Variants in SLC25A48 observed in about 807,000 individuals in gnomAD.
SLC25A48 encodes the protein solute carrier family 25 member 48, also known as CTC-321K16.1.
SLC25A48 carries 29 observed loss-of-function variants against 32.2 expected under a neutral mutation model. The ratio of observed to expected loss-of-function variants is 0.90; its 90% CI spans 0.67 to 1.23. SLC25A48 has a LOEUF of 1.23. Ranked by LOEUF, SLC25A48 falls within the 50% of genes most tolerant of loss-of-function variation. The pLI is 0.00. For synonymous variants in SLC25A48, 164 were observed against 172.3 expected (o/e 0.95, Z 0.38); for missense variants, 399 against 422.7 (o/e 0.94, Z 0.49).
intron 3 of SLC25A48, among the ~76,000 whole-genome samples, chr5:135,785,067 C>G (rs184446528): frequency 2.6e-5 from 4 of 152,190 alleles, no homozygotes; most frequent in African/African-American, 9.6e-5. Flanking sequence ...TACACACGCA[C>G]TCTAATAAGG....
At chr5:135,637,549 A>C (rs182166069) in intron 3 of SLC25A48, among the ~76,000 whole-genome samples, 1 of 152,342 alleles carries the variant, frequency 6.6e-6, no homozygotes, top group African/African-American at 2.4e-5. Context: ...TTTCATGCTA[A>C]AGATCAAGAT....
intron 7 of SLC25A48, among the ~76,000 whole-genome samples, chr5:135,886,623 ATATATATATAT>A (rs1561567687): frequency 0.025 from 573 of 22,908 alleles, 43 homozygotes; most frequent in African/African-American, 0.1. Context: ...ATATATATAT[ATATATATATAT>A]ATAAAATATA....
chr5:135,866,109 G>A (rs1362418164), intron 4 of SLC25A48, among the ~76,000 whole-genome samples: 2 of 152,170 alleles, frequency 1.3e-5, no homozygotes, highest in Admixed American at 1.3e-4. Context: ...GACCCATAGG[G>A]CCTCATTTGT....
intron 4 of SLC25A48, among the ~76,000 whole-genome samples, chr5:135,861,313 G>GCACA (rs10561751): frequency 1.4e-3 from 206 of 145,788 alleles, no homozygotes; most frequent in Middle Eastern, 0.011. Context: ...AAATACACAC[G>GCACA]CACACACACA....
Position 135,677,087 on chromosome 5 carries a change from A to G in SLC25A48, c.-521+42131A>G, listed in dbSNP as rs536496464. 1.6e-4 allele frequency among the ~76,000 whole-genome samples: 25 copies of G among 152,040 alleles called. No individual in the cohort carries two copies. In the South Asian group the frequency reaches 4.6e-3, roughly 28 times the overall value. ...CTCCACTATTTTTGTTTTAGAGTCT[A>G]TCTCTTTCTTTAGATCTAGTAATAT... On this transcript the variant is annotated intron_variant, in intron 3 of 10. Transcript: ENST00000646290.
At chr5:135,684,526 AGTTG>A (rs1753973520) in intron 3 of SLC25A48, among the ~76,000 whole-genome samples, 1 of 152,150 alleles carries the variant, frequency 6.6e-6, no homozygotes, top group Non-Finnish European at 1.5e-5. Context: ...TAGCCTTCAG[AGTTG>A]TCCCAATTTG....
At chr5:135,874,467 C>T (rs60197084) in intron 6 of SLC25A48, among the ~76,000 whole-genome samples, 9,597 of 152,262 alleles carry the variant, frequency 0.063, 736 homozygotes, top group African/African-American at 0.18. Context: ...TTTGCCTTCT[C>T]ATCAAGATAG....
intron 3 of SLC25A48, among the ~76,000 whole-genome samples, chr5:135,706,003 T>G (rs1754499306): frequency 6.6e-6 from 1 of 152,192 alleles, no homozygotes; most frequent in African/African-American, 2.4e-5. Flanking sequence ...TGTAACTGCT[T>G]TCTTTGAACT....
rs572691211 is a variant in SLC25A48, at chr5:135,792,058, A to G, written c.-520-20465A>G. Among the ~76,000 whole-genome samples, 13 of 151,896 alleles carry G rather than the reference A, an allele frequency of 8.6e-5. 1 individual carries two copies. In the Middle Eastern group the frequency reaches 0.02, roughly 238 times the overall value. ...CACCTCCTATGTTAACATTCGTAAT[A>G]TTCTAAGGGGATATTACTCCTAATG... On this transcript the variant is annotated intron_variant, in intron 3 of 10. Coordinates refer to the SLC25A48 transcript ENST00000646290.
chr5:135,586,497 G>C (rs531217610), intron 1 of SLC25A48, among the ~76,000 whole-genome samples: 1 of 149,598 alleles, frequency 6.7e-6, no homozygotes, highest in East Asian at 2.0e-4. Flanking sequence ...TAATGTGGTG[G>C]TCCAAGGAGT....
intron 1 of SLC25A48, among the ~76,000 whole-genome samples, chr5:135,625,321 G>A (rs1002964074): frequency 6.6e-6 from 1 of 152,142 alleles, no homozygotes; most frequent in Non-Finnish European, 1.5e-5. Flanking sequence ...AGATGGAGGG[G>A]CCCTGAGAAC....
At chr5:135,709,469 C>G (rs1389581460) in intron 3 of SLC25A48, among the ~76,000 whole-genome samples, 1 of 152,248 alleles carries the variant, frequency 6.6e-6, no homozygotes, top group Non-Finnish European at 1.5e-5. Flanking sequence ...TGATACAAAT[C>G]TAAATTCTTA....
At chr5:135,616,044 AG>A (rs1752178470) in intron 1 of SLC25A48, among the ~76,000 whole-genome samples, 1 of 152,224 alleles carries the variant, frequency 6.6e-6, no homozygotes, top group Non-Finnish European at 1.5e-5. Flanking sequence ...ACAGTGCAAG[AG>A]TTGAGACTTG....
chr5:135,871,836 C>T (rs1475879678), intron 5 of SLC25A48, 118 bp downstream of exon 5: 1 of 1,538,794 alleles, frequency 6.5e-7, no homozygotes, highest in Non-Finnish European at 8.8e-7. Flanking sequence ...AGGTACTCAC[C>T]CAACAATTCT....
At chr5:135,714,545 G>T (rs1296175461) in intron 3 of SLC25A48, 1 of 152,226 alleles carries the variant, frequency 6.6e-6, no homozygotes. Context: ...GCAGTTTGGT[G>T]GGTATGGGGT....
At position 135,742,453 on chromosome 5, in the gene SLC25A48, C is replaced by T. The variant is rs774884303; in HGVS notation, c.-520-70070C>T. ...CATCTCCCAGTGGTTCCTGAGGTCT[C>T]ACCTGTGTGTTTTCATCCTCTGCTA... On this transcript the variant is annotated intron_variant, in intron 3 of 10. Coordinates refer to the SLC25A48 transcript ENST00000646290. The T allele has an allele frequency of 5.2e-6, 8 of 1,541,000 alleles. No homozygotes were observed. The Admixed American group carries it at 1.6e-4, about 31-fold the overall frequency.
chr5:135,712,085 AT>A, intron 3 of SLC25A48, among the ~76,000 whole-genome samples: 1 of 152,302 alleles, frequency 6.6e-6, no homozygotes, highest in Non-Finnish European at 1.5e-5. Flanking sequence ...GAATCAGAGC[AT>A]CTTTTGTTCC....
intron 3 of SLC25A48, among the ~76,000 whole-genome samples, chr5:135,696,038 A>G (rs1375094850): frequency 6.6e-6 from 1 of 152,236 alleles, no homozygotes; most frequent in Non-Finnish European, 1.5e-5. Context: ...TCTGAGCCTC[A>G]GTGTCATCAC....
At chr5:135,809,171 C>T (rs11950260) in intron 3 of SLC25A48, among the ~76,000 whole-genome samples, 105,458 of 151,812 alleles carry the variant, frequency 0.69, 38,317 homozygotes, top group Non-Finnish European at 0.81. Context: ...TGATGGCATC[C>T]ATCTGTAGTC....
Sources: allele counts gnomAD v4.1 joint callset (sites outside exome capture counted in the v4.1 genomes callset), GRCh38; gene constraint gnomAD v4.1.1; transcripts MANE v1.5; gene names NCBI Gene and HGNC (gene_info 2026-07-23, HGNC 2026-07-21).